Variants in BANP observed in about 807,000 individuals in gnomAD.
The protein encoded by BANP is BTG3 associated nuclear protein.
In BANP, 11 loss-of-function variants were observed where a neutral mutation model predicts 68.1. The observed-to-expected ratio is 0.16, with a 90% CI of 0.10 to 0.27. BANP has a LOEUF of 0.27. Among genes scored for constraint, BANP ranks in the 10% least tolerant of loss-of-function variants. The pLI, the probability that BANP is intolerant of heterozygous loss-of-function variation, is 1.00. For synonymous variants in BANP, 329 were observed against 303.2 expected (o/e 1.09, Z -0.88); for missense variants, 504 against 722.7 (o/e 0.70, Z 3.47).
At chr16:87,966,126 C>G (rs780969341) in intron 1 of BANP, among the ~76,000 whole-genome samples, 1 of 152,228 alleles carries the variant, frequency 6.6e-6, no homozygotes, top group Non-Finnish European at 1.5e-5. Context: ...GGAGATCTTT[C>G]CATTTTGGTT....
rs536018165 is a variant in BANP at position 88,032,074 on chromosome 16, G to A, written c.1064-1035G>A. On this transcript the variant is annotated intron_variant, in intron 8 of 13. Coordinates refer to ENST00000682872, the MANE Select transcript of BANP (RefSeq NM_001386991.1). ...CCCGCCTTGGCCTCCCAAAGTGCTG[G>A]GATTACAGGCGTGAGCCACCGCGCC... Among the ~76,000 whole-genome samples, 19 of 152,064 alleles carry A rather than the reference G, an allele frequency of 1.2e-4. No individual in the cohort carries two copies. The East Asian group carries it at 1.9e-3, about 15-fold the overall frequency.
At chr16:87,966,995 C>G (rs566781890) in intron 1 of BANP, among the ~76,000 whole-genome samples, 40 of 152,340 alleles carry the variant, frequency 2.6e-4, no homozygotes, top group African/African-American at 9.1e-4. Context: ...ACGCCTGGCA[C>G]CAGCGGGAGG....
chr16:88,014,969 T>C (rs1161748801), intron 6 of BANP, among the ~76,000 whole-genome samples: 1 of 152,092 alleles, frequency 6.6e-6, no homozygotes, highest in Non-Finnish European at 1.5e-5. Context: ...CCTGGATTAC[T>C]GAGCAGCTCT....
chr16:88,061,275 A>G (rs1009818294), intron 11 of BANP, among the ~76,000 whole-genome samples: 3 of 152,196 alleles, frequency 2.0e-5, no homozygotes, highest in African/African-American at 7.2e-5. Context: ...TCTGCCTTAT[A>G]GCTCTTAGCC....
intron 12 of BANP, among the ~76,000 whole-genome samples, chr16:88,069,814 G>T (rs1472124761): frequency 6.6e-6 from 1 of 152,162 alleles, no homozygotes; most frequent in Non-Finnish European, 1.5e-5. Context: ...AACAACACAG[G>T]TTTGAACTAT....
At chr16:88,060,523 T>A (rs1473445574) in intron 11 of BANP, among the ~76,000 whole-genome samples, 7 of 152,242 alleles carry the variant, frequency 4.6e-5, no homozygotes, top group Admixed American at 4.6e-4. Flanking sequence ...TTTTGCCCTC[T>A]CACGGTGGAT....
In BANP at chr16:88,004,484, TA is replaced by T; in HGVS notation, c.479+75del. ...TCCCATGAGAATAAGTCAACGTCCCTAAGCCAGGGCACAGTCCAGCACACGC... is the reference window on the plus strand; with the variant it reads ...TCCCATGAGAATAAGTCAACGTCCCTAGCCAGGGCACAGTCCAGCACACGC... On this transcript the variant is annotated intron_variant, in intron 5 of 13. Transcript: ENST00000682872. The surrounding 1 kb of genome is among the most constrained non-coding windows in gnomAD (Gnocchi z 7.0). 1.2e-6 allele frequency: 1 copy of T among 856,770 alleles called. No homozygotes were observed. Among genetic ancestry groups the T allele is most frequent in the Non-Finnish European group, 1.8e-6 (1 of 548,824 alleles). The allele number at this position is 856,770 out of a possible 1,614,324, so 53.1% of individuals were successfully genotyped here. A position where few individuals can be genotyped will look rare whatever the true frequency, so the allele number is the denominator to read the frequency against.
intron 11 of BANP, among the ~76,000 whole-genome samples, chr16:88,063,591 A>G (rs949201612): frequency 3.3e-5 from 5 of 152,202 alleles, no homozygotes; most frequent in African/African-American, 4.8e-5. Flanking sequence ...ATCACTTCAC[A>G]TTTTAAAAGA....
At chr16:88,053,063 TCTC>T (rs1299671474) in intron 11 of BANP, among the ~76,000 whole-genome samples, 1 of 118,074 alleles carries the variant, frequency 8.5e-6, no homozygotes, top group Non-Finnish European at 2.1e-5. Flanking sequence ...ACCCCTGTCA[TCTC>T]CATCATTATC....
intron 3 of BANP, chr16:87,982,773 T>C (rs1276201088): frequency 2.0e-5 from 3 of 152,358 alleles, no homozygotes; most frequent in African/African-American, 7.2e-5. Flanking sequence ...ATATGTGGAT[T>C]TTCCCTCCTG....
At position 88,065,301 on chromosome 16, in the gene BANP, C is replaced by A; in HGVS notation, c.1346C>A (p.Ala449Asp). The change falls in exon 12 of 14, where the codon GCC (alanine) becomes GAC (aspartate). Residue 449 changes from alanine to aspartate, a missense_variant. Transcript: ENST00000682872. ...LEATRIPCLL[A>D]PSVFKASSGQ... ...GCCACCCGCATCCCCTGCCTCCTGG[C>A]CCCATCCGTCTTCAAAGCCAGCAGT... 1.3e-6 allele frequency: 1 copy of A among 769,488 alleles called. No individual in the cohort carries two copies. The allele number at this position is 769,488 out of a possible 1,614,324, so 47.7% of individuals were successfully genotyped here.
At chr16:87,984,003 G>A in intron 3 of BANP, 57 bp from the exon 4 acceptor site, 2 of 1,561,642 alleles carry the variant, frequency 1.3e-6, no homozygotes, top group South Asian at 1.2e-5. Context: ...GTTTCTTGGG[G>A]TTGTCTTCTT....
chr16:88,045,098 ACATT>A (rs1208709865), intron 11 of BANP, among the ~76,000 whole-genome samples: 1 of 152,262 alleles, frequency 6.6e-6, no homozygotes, highest in African/African-American at 2.4e-5. Flanking sequence ...TAAAAAAATC[ACATT>A]CAATCTAAGA....
intron 1 of BANP, among the ~76,000 whole-genome samples, chr16:87,961,856 T>G (rs2059216151): frequency 1.3e-5 from 2 of 152,136 alleles, no homozygotes; most frequent in Admixed American, 6.5e-5. Flanking sequence ...AAAGCCAGTT[T>G]GGGTGTCTCT....
chr16:88,020,386 C>T (rs1454228583), intron 7 of BANP, among the ~76,000 whole-genome samples: 1 of 152,224 alleles, frequency 6.6e-6, no homozygotes, highest in Non-Finnish European at 1.5e-5. Flanking sequence ...CGCACCAGAC[C>T]ACGTGATGTG....
Position 88,071,544 on chromosome 16 carries a change from G to C in BANP, c.1378-525G>C. 2.2e-6 allele frequency: 1 copy of C among 456,630 alleles called. No homozygotes were observed. The highest frequency in any genetic ancestry group is 4.4e-6 in the Non-Finnish European group (1 of 227,012). The allele number at this position is 456,630 out of a possible 1,614,324, so 28.3% of individuals were successfully genotyped here. A position where few individuals can be genotyped will look rare whatever the true frequency, so the allele number is the denominator to read the frequency against. ...TTGGAACTGGGCCTCACTTTCCTGCGAGCTTCTGCTGGGTTCTCAGTGCCC... is the reference window on the plus strand; with the variant it reads ...TTGGAACTGGGCCTCACTTTCCTGCCAGCTTCTGCTGGGTTCTCAGTGCCC... On this transcript the variant is annotated intron_variant, in intron 12 of 13. Coordinates refer to ENST00000682872, the MANE Select transcript of BANP (RefSeq NM_001386991.1). The surrounding 1 kb of genome is among the most constrained non-coding windows in gnomAD (Gnocchi z 6.5).
chr16:87,977,069 A>C (rs1261202833), intron 2 of BANP, among the ~76,000 whole-genome samples: 1 of 151,988 alleles, frequency 6.6e-6, no homozygotes, highest in African/African-American at 2.4e-5. Context: ...TTTTGTTCCA[A>C]CTCTGTTCCT....
At chr16:87,976,756 T>C (rs2145860187) in intron 2 of BANP, among the ~76,000 whole-genome samples, 1 of 152,258 alleles carries the variant, frequency 6.6e-6, no homozygotes. Context: ...GCAGTAGAAA[T>C]AGTTTTGGGG....
chr16:88,072,005 T>C (rs1163500819), intron 12 of BANP, 64 bp from the exon 13 acceptor site: 5 of 1,528,170 alleles, frequency 3.3e-6, no homozygotes, highest in East Asian at 2.5e-5. Flanking sequence ...TGTGGAGCCA[T>C]GTGGGTTGTG....
Sources: allele counts gnomAD v4.1 joint callset (sites outside exome capture counted in the v4.1 genomes callset), GRCh38; gene constraint gnomAD v4.1.1; non-coding constraint Gnocchi (gnomAD v3.1); transcripts MANE v1.5; gene names NCBI Gene and HGNC (gene_info 2026-07-23, HGNC 2026-07-21).